The following LYZL2 variants were observed in gnomAD, a reference collection of about 807,000 sequenced individuals.
The protein encoded by LYZL2 is lysozyme like 2.
LYZL2 carries 13 observed loss-of-function variants against 17.1 expected under a neutral mutation model. The ratio of observed to expected loss-of-function variants is 0.76; its 90% CI spans 0.49 to 1.21. The LOEUF is 1.21. LYZL2 is among the 50% of genes most tolerant of loss of function. LYZL2 has a pLI of 0.00. For missense variants in LYZL2, 166 were observed against 189.2 expected, an observed-to-expected ratio of 0.88 and a Z score of 0.72; for synonymous variants, 63 against 74.4, an observed-to-expected ratio of 0.85 and a Z score of 0.79.
intron 3 of LYZL2, among the ~76,000 whole-genome samples, chr10:30,618,633 C>T (rs532475750): frequency 6.6e-6 from 1 of 152,288 alleles, no homozygotes; most frequent in South Asian, 2.1e-4. Flanking sequence ...ATGTAGAAAG[C>T]TGAAACTGGA....
chr10:30,607,201 C>T (rs1219558733), downstream of LYZL2, among the ~76,000 whole-genome samples: 5 of 151,386 alleles, frequency 3.3e-5, no homozygotes, highest in South Asian at 2.1e-4. Flanking sequence ...TGTGAGCCAC[C>T]GCGCCCAGCC....
chr10:30,619,306 A>G (rs1838583035), intron 3 of LYZL2, among the ~76,000 whole-genome samples: 1 of 152,342 alleles, frequency 6.6e-6, no homozygotes, highest in Admixed American at 6.5e-5. Context: ...ATACCATTTG[A>G]CGCAGCCATC....
At chr10:30,628,855 G>A (rs757457558) in intron 1 of LYZL2, among the ~76,000 whole-genome samples, 8 of 152,328 alleles carry the variant, frequency 5.3e-5, no homozygotes, top group East Asian at 1.9e-4. Flanking sequence ...AATAGCAAGC[G>A]TGGGCAAACC....
rs554883285 is a variant in LYZL2, at chr10:30,612,488, G to A, written c.377+334C>T. On this transcript the variant is annotated intron_variant, in intron 4 of 4. Transcript: ENST00000647634. ...CTTCAAAATCTTATCCAAATCTAGA[G>A]CAAACTCAAGCTTTTTTTTCCCTCT... Among the ~76,000 whole-genome samples, 2 of 152,282 alleles carry A rather than the reference G, an allele frequency of 1.3e-5. 1 individual carries two copies. Among genetic ancestry groups the A allele is most frequent in the South Asian group, 4.1e-4 (2 of 4,824 alleles).
intron 3 of LYZL2, among the ~76,000 whole-genome samples, chr10:30,625,604 A>T (rs1838689234): frequency 6.6e-6 from 1 of 152,160 alleles, no homozygotes; most frequent in Non-Finnish European, 1.5e-5. Flanking sequence ...AGGTTGCTTG[A>T]GTCATGGAGG....
intron 1 of LYZL2, among the ~76,000 whole-genome samples, chr10:30,628,038 T>C (rs1838746866): frequency 1.3e-5 from 2 of 152,114 alleles, no homozygotes; most frequent in Admixed American, 1.3e-4. Flanking sequence ...CATGTGTCTG[T>C]AGTCCCAGCT....
downstream of LYZL2, among the ~76,000 whole-genome samples, chr10:30,610,416 C>A (rs1838418791): frequency 6.6e-6 from 1 of 152,026 alleles, no homozygotes; most frequent in Non-Finnish European, 1.5e-5. Flanking sequence ...ACCTGGAAAC[C>A]ATCATCCTCA....
chr10:30,618,246 C>T (rs1218673450), intron 3 of LYZL2, among the ~76,000 whole-genome samples: 2 of 152,158 alleles, frequency 1.3e-5, no homozygotes, highest in South Asian at 2.1e-4. Flanking sequence ...AATGGCCATA[C>T]TGCCCAAGGT....
At chr10:30,628,928 T>A (rs535104517) in intron 1 of LYZL2, among the ~76,000 whole-genome samples, 1 of 152,348 alleles carries the variant, frequency 6.6e-6, no homozygotes, top group East Asian at 1.9e-4. Flanking sequence ...TGGTAATATA[T>A]TGTTGGTGGC....
downstream of LYZL2, among the ~76,000 whole-genome samples, chr10:30,608,817 A>C (rs911406586): frequency 6.6e-6 from 1 of 152,286 alleles, no homozygotes; most frequent in Admixed American, 6.5e-5. Context: ...CCAGTGGCAC[A>C]AAAAAACCCA....
At position 30,629,594 on chromosome 10, in the gene LYZL2, G is replaced by A. The variant is rs201177753; in HGVS notation, c.-27C>T. ...TCATAAGAGTAATTTAGGTCTTACT[G>A]AAAAGGCAGATTCCTGGTGCCTGCC... On this transcript the variant is annotated splice_region_variant and 5_prime_UTR_variant, in exon 1 of 5. The change creates a premature stop within an existing upstream ORF in the 5' untranslated region. Coordinates refer to ENST00000647634, the MANE Select transcript of LYZL2 (RefSeq NM_183058.3). 18 of 1,614,006 alleles carry A rather than the reference G, an allele frequency of 1.1e-5. No individual in the cohort carries two copies. Among genetic ancestry groups the A allele is most frequent in the Admixed American group, 3.3e-5 (2 of 60,002 alleles).
chr10:30,619,470 A>G (rs556881903), intron 3 of LYZL2, among the ~76,000 whole-genome samples: 16 of 152,320 alleles, frequency 1.1e-4, no homozygotes, highest in Admixed American at 7.8e-4. Flanking sequence ...AATGTGGCAC[A>G]TATACACCAT....
chr10:30,624,054 A>C (rs1163347933), intron 3 of LYZL2, among the ~76,000 whole-genome samples: 1 of 151,860 alleles, frequency 6.6e-6, no homozygotes, highest in Non-Finnish European at 1.5e-5. Flanking sequence ...GTTTCCTCTT[A>C]CTTGCTTTAG....
the LYZL2 span, among the ~76,000 whole-genome samples, chr10:30,606,429 T>C: frequency 1.3e-3 from 196 of 150,350 alleles, no homozygotes; most frequent in African/African-American, 4.6e-3. Flanking sequence ...CATAGCTCAC[T>C]GTAGCCTTGA....
At chr10:30,609,217 A>C (rs898557942), downstream of LYZL2, among the ~76,000 whole-genome samples, 1 of 152,234 alleles carries the variant, frequency 6.6e-6, no homozygotes, top group African/African-American at 2.4e-5. Context: ...ACAGTGAAAG[A>C]CATGGTCTAG....
chr10:30,611,646 GAAGGAAGA>G (rs1317145214), downstream of LYZL2: 1 of 259,868 alleles, frequency 3.8e-6, no homozygotes, highest in African/African-American at 2.6e-5. Flanking sequence ...AGGGAGGGAG[GAAGGAAGA>G]AAGGAAGAGA....
chr10:30,628,366 G>A (rs1838753718), intron 1 of LYZL2, among the ~76,000 whole-genome samples: 1 of 152,172 alleles, frequency 6.6e-6, no homozygotes, highest in Non-Finnish European at 1.5e-5. Context: ...GCACCTGACT[G>A]GGGAGCAAGA....
At chr10:30,624,155 A>G (rs552272747) in intron 3 of LYZL2, among the ~76,000 whole-genome samples, 1 of 152,210 alleles carries the variant, frequency 6.6e-6, no homozygotes, top group East Asian at 1.9e-4. Context: ...GCCCTGATGG[A>G]TCCACTCTCT....
At chr10:30,617,689 A>AAG (rs1358964312) in intron 3 of LYZL2, among the ~76,000 whole-genome samples, 3 of 148,994 alleles carry the variant, frequency 2.0e-5, no homozygotes, top group East Asian at 1.9e-4. Flanking sequence ...AAAAAAAAAA[A>AAG]AAAAAAAAAG....
Sources: allele counts gnomAD v4.1 joint callset (sites outside exome capture counted in the v4.1 genomes callset), GRCh38; gene constraint gnomAD v4.1.1; transcripts MANE v1.5; gene names NCBI Gene and HGNC (gene_info 2026-07-23, HGNC 2026-07-21).